KRABD5: variants seen among roughly 807,000 people sequenced by gnomAD.
KRABD5 encodes the protein KRAB domain-containing protein 5.
the KRABD5 span, among the ~76,000 whole-genome samples, chr16:31,743,338 A>G: frequency 6.6e-6 from 1 of 152,180 alleles, no homozygotes; most frequent in Non-Finnish European, 1.5e-5. Flanking sequence ...TTTTCTGCAT[A>G]TGGCTAGTCA....
chr16:31,717,885 T>TG, the KRABD5 span, among the ~76,000 whole-genome samples: 2 of 152,132 alleles, frequency 1.3e-5, no homozygotes. Context: ...ATGGTCTTTC[T>TG]GCTTGTTTGG....
chr16:31,747,841 G>GT, the KRABD5 span, among the ~76,000 whole-genome samples: 29 of 152,078 alleles, frequency 1.9e-4, no homozygotes, highest in Non-Finnish European at 3.2e-4. Flanking sequence ...GGGGTTGTTT[G>GT]TTTTTTTCTT....
the KRABD5 span, among the ~76,000 whole-genome samples, chr16:31,717,793 G>C: frequency 6.6e-6 from 1 of 152,122 alleles, no homozygotes; most frequent in African/African-American, 2.4e-5. Flanking sequence ...TCACTCTAGA[G>C]GGGATGTTCC....
At chr16:31,757,142 T>C in the KRABD5 span, 1 of 152,176 alleles carries the variant, frequency 6.6e-6, no homozygotes, top group Admixed American at 6.5e-5. Context: ...ACTTATAAGT[T>C]CTCATGGATT....
At chr16:31,754,277 C>A in the KRABD5 span, 1 of 627,276 alleles carries the variant, frequency 1.6e-6, no homozygotes. Flanking sequence ...TTTGTTTCAC[C>A]AACAAATAAC....
the KRABD5 span, among the ~76,000 whole-genome samples, chr16:31,732,183 C>T: frequency 6.6e-6 from 1 of 152,200 alleles, no homozygotes; most frequent in Non-Finnish European, 1.5e-5. Flanking sequence ...CTCAAATTGT[C>T]CTCCTTGATC....
At chr16:31,729,949 C>A in the KRABD5 span, among the ~76,000 whole-genome samples, 1 of 152,040 alleles carries the variant, frequency 6.6e-6, no homozygotes, top group Admixed American at 6.5e-5. Context: ...ATATATGTCA[C>A]ATTTTAAAAC....
the KRABD5 span, among the ~76,000 whole-genome samples, chr16:31,714,947 G>A: frequency 6.6e-6 from 1 of 152,308 alleles, no homozygotes; most frequent in Admixed American, 6.5e-5. Flanking sequence ...ATTGCAAGAG[G>A]AGGAAAGCAC....
the KRABD5 span, among the ~76,000 whole-genome samples, chr16:31,737,195 T>C: frequency 3.3e-5 from 5 of 151,440 alleles, no homozygotes; most frequent in East Asian, 8.2e-4. Context: ...CTAGAAGTTC[T>C]AGCCAGAGCA....
the KRABD5 span, chr16:31,722,671 G>T: frequency 6.2e-7 from 1 of 1,613,436 alleles, no homozygotes; most frequent in East Asian, 2.2e-5. Flanking sequence ...CTCTCGGGAG[G>T]AGTGGGAACA....
the KRABD5 span, among the ~76,000 whole-genome samples, chr16:31,735,621 T>G: frequency 6.6e-6 from 1 of 152,152 alleles, no homozygotes; most frequent in Non-Finnish European, 1.5e-5. Context: ...TTAACTGGAG[T>G]GTGGTGGTAT....
the KRABD5 span, among the ~76,000 whole-genome samples, chr16:31,729,863 G>C: frequency 6.6e-6 from 1 of 151,444 alleles, no homozygotes; most frequent in Non-Finnish European, 1.5e-5. Context: ...TAACAGCCTA[G>C]TTTAAGATGA....
chr16:31,727,868 A>G, the KRABD5 span, among the ~76,000 whole-genome samples: 1 of 151,754 alleles, frequency 6.6e-6, no homozygotes, highest in Non-Finnish European at 1.5e-5. Context: ...GTATTTATTT[A>G]TTTATTTATT....
the KRABD5 span, among the ~76,000 whole-genome samples, chr16:31,749,502 A>G: frequency 6.6e-6 from 1 of 152,196 alleles, no homozygotes; most frequent in East Asian, 1.9e-4. Flanking sequence ...GGTGCTCTGT[A>G]GGCTTAAGCA....
At chr16:31,722,335 G>A in the KRABD5 span, among the ~76,000 whole-genome samples, 1 of 152,174 alleles carries the variant, frequency 6.6e-6, no homozygotes, top group African/African-American at 2.4e-5. Flanking sequence ...CCAAAGTGCT[G>A]AGATTACAGG....
the KRABD5 span, chr16:31,714,509 C>T: frequency 4.6e-6 from 2 of 439,236 alleles, no homozygotes; most frequent in Non-Finnish European, 9.1e-6. Context: ...TTTTAGAGCT[C>T]GCTAGATGCT....
the KRABD5 span, among the ~76,000 whole-genome samples, chr16:31,733,091 A>C: frequency 6.6e-6 from 1 of 152,046 alleles, no homozygotes; most frequent in Non-Finnish European, 1.5e-5. Flanking sequence ...ATAATTTTCA[A>C]CTCTGTACAC....
At chr16:31,717,600 CTT>C in the KRABD5 span, among the ~76,000 whole-genome samples, 1 of 152,320 alleles carries the variant, frequency 6.6e-6, no homozygotes, top group East Asian at 1.9e-4. Flanking sequence ...ATTATGGTGA[CTT>C]TTCATGAGTG....
chr16:31,718,343 AG>A, the KRABD5 span, among the ~76,000 whole-genome samples: 26 of 152,302 alleles, frequency 1.7e-4, no homozygotes, highest in Non-Finnish European at 3.5e-4. Flanking sequence ...TCCACAAGAC[AG>A]GGCCAGACTT....
Sources: gnomAD v4.1 joint callset for allele counts (sites outside exome capture counted in the v4.1 genomes callset) on GRCh38, gnomAD v4.1.1 for gene constraint, MANE v1.5 for transcripts, NCBI Gene and HGNC (gene_info 2026-07-23, HGNC 2026-07-21) for gene names.